PHACTR1: variants seen among roughly 807,000 people sequenced by gnomAD.
The protein encoded by PHACTR1 is RPEL repeat containing 1.
In PHACTR1, 16 loss-of-function variants were observed where a neutral mutation model predicts 69.2. That is an observed-to-expected ratio of 0.23 (90% CI 0.16 to 0.35). The LOEUF is 0.35. PHACTR1 is among the 10% of genes least tolerant of loss of function. The probability of loss-of-function intolerance (pLI) is 1.00; values close to 1 mark genes in which losing one functional copy is unlikely to be tolerated. For synonymous variants in PHACTR1, 312 were observed against 284.5 expected, an observed-to-expected ratio of 1.10 and a Z score of -0.97; for missense variants, 510 against 734.7, an observed-to-expected ratio of 0.69 and a Z score of 3.54.
At chr6:13,151,677 T>C (rs1363709794) in intron 5 of PHACTR1, among the ~76,000 whole-genome samples, 1 of 152,114 alleles carries the variant, frequency 6.6e-6, no homozygotes, top group Non-Finnish European at 1.5e-5. Flanking sequence ...TTTGATAAGT[T>C]AGAGGAAGAA....
chr6:12,913,879 G>A (rs1312247681), intron 4 of PHACTR1, among the ~76,000 whole-genome samples: 1 of 152,204 alleles, frequency 6.6e-6, no homozygotes, highest in East Asian at 1.9e-4. Flanking sequence ...TTTTGAAGAT[G>A]TTGTTTCTGG....
chr6:12,760,515 C>G lies in PHACTR1; in HGVS notation c.250+10725C>G, dbSNP rs375780103. Among the ~76,000 whole-genome samples the G allele has an allele frequency of 2.0e-4, 31 of 151,882 alleles. No homozygotes were observed. The South Asian group carries it at 6.0e-3, about 30-fold the overall frequency. ...AGGAAGTGTTGTGTGGGGAGGGAAA[C>G]AGAAGAAGAGCAGAGAAAGAGATAC... On this transcript the variant is annotated intron_variant, in intron 4 of 14. Transcript: ENST00000332995.
chr6:13,019,590 C>T (rs1222064866), intron 4 of PHACTR1, among the ~76,000 whole-genome samples: 1 of 152,216 alleles, frequency 6.6e-6, no homozygotes, highest in Non-Finnish European at 1.5e-5. Context: ...TATAATTTTA[C>T]TAATAATTTC....
At chr6:12,835,736 C>T (rs903839037) in intron 4 of PHACTR1, among the ~76,000 whole-genome samples, 29 of 152,104 alleles carry the variant, frequency 1.9e-4, no homozygotes, top group Admixed American at 1.5e-3. Flanking sequence ...GTAGATAGGA[C>T]GGATGTTTTA....
At chr6:13,173,153 A>G (rs569876268) in intron 6 of PHACTR1, among the ~76,000 whole-genome samples, 2 of 152,374 alleles carry the variant, frequency 1.3e-5, no homozygotes, top group East Asian at 3.9e-4. Context: ...CTTCACTTGG[A>G]AAAGTCCAAA....
chr6:13,166,375 C>T (rs1216763518), intron 6 of PHACTR1, among the ~76,000 whole-genome samples: 1 of 152,158 alleles, frequency 6.6e-6, no homozygotes, highest in African/African-American at 2.4e-5. Context: ...TCATAAGCTC[C>T]ACCAAGCAGG....
chr6:12,746,726 T>C, intron 3 of PHACTR1, among the ~76,000 whole-genome samples: 1 of 152,200 alleles, frequency 6.6e-6, no homozygotes, highest in East Asian at 1.9e-4. Context: ...TCCTCTAAAA[T>C]GTTAAATGAA....
chr6:13,017,921 T>C (rs934147160), intron 4 of PHACTR1, among the ~76,000 whole-genome samples: 2 of 152,218 alleles, frequency 1.3e-5, no homozygotes, highest in African/African-American at 4.8e-5. Context: ...GCCTTTTACA[T>C]GTAATTTATC....
intron 4 of PHACTR1, among the ~76,000 whole-genome samples, chr6:12,887,039 CT>C (rs1309193763): frequency 6.6e-6 from 1 of 152,050 alleles, no homozygotes; most frequent in Non-Finnish European, 1.5e-5. Context: ...TCCCCTTGTC[CT>C]CCACCCCCTC....
intron 3 of PHACTR1, among the ~76,000 whole-genome samples, chr6:12,721,299 G>T (rs1480348478): frequency 1.3e-5 from 2 of 151,976 alleles, no homozygotes; most frequent in Admixed American, 1.3e-4. Context: ...TAGGAGAATC[G>T]CTTGAACCTG....
intron 6 of PHACTR1, among the ~76,000 whole-genome samples, chr6:13,177,455 G>A (rs1223554): frequency 0.63 from 94,201 of 149,062 alleles, 30,098 homozygotes; most frequent in East Asian, 0.9. Flanking sequence ...GTGTGTGTGT[G>A]TATATATATA....
intron 3 of PHACTR1, among the ~76,000 whole-genome samples, chr6:12,724,030 T>A (rs901069017): frequency 1.3e-4 from 20 of 152,192 alleles, no homozygotes; most frequent in Non-Finnish European, 1.5e-5. Flanking sequence ...GCAAATGGAC[T>A]TTTAAAAAGC....
At chr6:12,924,713 T>C (rs1385739911) in intron 4 of PHACTR1, among the ~76,000 whole-genome samples, 1 of 147,862 alleles carries the variant, frequency 6.8e-6, no homozygotes. Flanking sequence ...AGGCAGAGCT[T>C]GCAGTGAGCC....
In PHACTR1 at chr6:12,919,993, T is replaced by C. The variant is rs77756102; in HGVS notation, c.251-133372T>C. Among the ~76,000 whole-genome samples, 1,383 of 152,310 alleles carry C rather than the reference T, an allele frequency of 9.1e-3. 27 individuals are homozygous for C. Among genetic ancestry groups the C allele is most frequent in the African/African-American group, 0.03 (1,260 of 41,554 alleles). On this transcript the variant is annotated intron_variant, in intron 4 of 14. Coordinates refer to ENST00000332995, the MANE Select transcript of PHACTR1 (RefSeq NM_030948.6). ...TTGACCTCAGTCTATATTAGTTTTTTCATCTTCAAAACATTGTAATATCTA... is the reference window on the plus strand; with the variant it reads ...TTGACCTCAGTCTATATTAGTTTTTCCATCTTCAAAACATTGTAATATCTA...
At chr6:13,242,776 T>C (rs531854103) in intron 10 of PHACTR1, among the ~76,000 whole-genome samples, 9 of 152,344 alleles carry the variant, frequency 5.9e-5, no homozygotes, top group Admixed American at 4.6e-4. Flanking sequence ...TTGTTTTATA[T>C]GAGTTTAAGG....
chr6:13,133,894 GTC>G (rs1821019592), intron 5 of PHACTR1, among the ~76,000 whole-genome samples: 1 of 151,036 alleles, frequency 6.6e-6, no homozygotes, highest in African/African-American at 2.4e-5. Flanking sequence ...AGTGAGGAGT[GTC>G]TCTGCCCGGC....
At chr6:12,812,492 G>C (rs1415662763) in intron 4 of PHACTR1, among the ~76,000 whole-genome samples, 1 of 152,180 alleles carries the variant, frequency 6.6e-6, no homozygotes, top group Non-Finnish European at 1.5e-5. Context: ...GTTAAAAGAA[G>C]CGAAGTGTCT....
At chr6:13,235,654 G>C (rs1222762716) in intron 10 of PHACTR1, among the ~76,000 whole-genome samples, 1 of 152,154 alleles carries the variant, frequency 6.6e-6, no homozygotes, top group Non-Finnish European at 1.5e-5. Context: ...AACAAGTTGT[G>C]CTTTTGATTC....
chr6:13,048,337 G>A (rs1053900686), intron 4 of PHACTR1, among the ~76,000 whole-genome samples: 11 of 152,188 alleles, frequency 7.2e-5, no homozygotes, highest in Non-Finnish European at 1.5e-4. Flanking sequence ...GCATGAGGTA[G>A]CCACCTTTGA....
Sources: allele counts gnomAD v4.1 joint callset (sites outside exome capture counted in the v4.1 genomes callset), GRCh38; gene constraint gnomAD v4.1.1; transcripts MANE v1.5; gene names NCBI Gene and HGNC (gene_info 2026-07-23, HGNC 2026-07-21).